ATP10B: variants seen among roughly 807,000 people sequenced by gnomAD.
The protein encoded by ATP10B is phospholipid-transporting ATPase VB.
ATP10B carries 122 observed loss-of-function variants against 141.2 expected under a neutral mutation model. That is an observed-to-expected ratio of 0.86 (90% CI 0.75 to 1.00). The LOEUF is 1.00. Ranked by LOEUF, ATP10B falls within the 50% of genes least tolerant of loss-of-function variation. The pLI is 0.00. For missense variants in ATP10B, 1,876 were observed against 1,825.3 expected (o/e 1.03, Z -0.51); for synonymous variants, 685 against 692.0 (o/e 0.99, Z 0.16).
intron 1 of ATP10B, among the ~76,000 whole-genome samples, chr5:160,809,284 G>C (rs975132633): frequency 2.6e-5 from 4 of 152,122 alleles, no homozygotes; most frequent in Non-Finnish European, 5.9e-5. Context: ...GCCAAAATGG[G>C]CATGGGAGTA....
intron 2 of ATP10B, among the ~76,000 whole-genome samples, chr5:160,771,570 G>A (rs1016050704): frequency 7.9e-5 from 12 of 152,128 alleles, no homozygotes; most frequent in African/African-American, 1.7e-4. Flanking sequence ...ATATTTTGAT[G>A]TACATAGGTA....
At chr5:160,632,437 T>C in intron 12 of ATP10B, 70 bp from the exon 13 acceptor site, 1 of 1,443,842 alleles carries the variant, frequency 6.9e-7, no homozygotes, top group Non-Finnish European at 9.7e-7. Flanking sequence ...AAACCTAGAC[T>C]TTGTGTGGGG....
intron 2 of ATP10B, among the ~76,000 whole-genome samples, chr5:160,769,040 C>T (rs1377396447): frequency 4.6e-5 from 7 of 152,190 alleles, no homozygotes; most frequent in Admixed American, 4.6e-4. Context: ...TGACCATCTC[C>T]TGTTACATCT....
At chr5:160,583,436 T>A (rs1292536954) in intron 24 of ATP10B, among the ~76,000 whole-genome samples, 2 of 152,224 alleles carry the variant, frequency 1.3e-5, no homozygotes, top group African/African-American at 4.8e-5. Context: ...TGTTCCTTCT[T>A]CTGGAAGCTT....
At chr5:160,679,678 G>A (rs954759477) in intron 6 of ATP10B, among the ~76,000 whole-genome samples, 1 of 152,202 alleles carries the variant, frequency 6.6e-6, no homozygotes, top group African/African-American at 2.4e-5. Context: ...GGGCACATAA[G>A]GTTTGCCATG....
chr5:160,679,846 G>A (rs1763266082), intron 6 of ATP10B, among the ~76,000 whole-genome samples: 1 of 152,160 alleles, frequency 6.6e-6, no homozygotes, highest in African/African-American at 2.4e-5. Flanking sequence ...CATGTTTTCT[G>A]AATACAAATA....
chr5:160,856,791 C>T (rs975650707), upstream of ATP10B, among the ~76,000 whole-genome samples: 2 of 151,600 alleles, frequency 1.3e-5, no homozygotes, highest in African/African-American at 4.8e-5. Context: ...TGCATTAATT[C>T]CATTTGAATT....
At chr5:160,598,272 T>C (rs183349091) in intron 22 of ATP10B, among the ~76,000 whole-genome samples, 171 of 151,954 alleles carry the variant, frequency 1.1e-3, no homozygotes, top group African/African-American at 4.0e-3. Flanking sequence ...TCATTCTCAG[T>C]AAACTATTGC....
chr5:160,737,232 T>G (rs1767181216), intron 2 of ATP10B, among the ~76,000 whole-genome samples: 1 of 152,094 alleles, frequency 6.6e-6, no homozygotes, highest in Non-Finnish European at 1.5e-5. Context: ...CCCTAAAAAT[T>G]GTGTATAGAG....
intron 2 of ATP10B, among the ~76,000 whole-genome samples, chr5:160,771,740 TC>T (rs1258606424): frequency 6.6e-6 from 1 of 152,248 alleles, no homozygotes; most frequent in African/African-American, 2.4e-5. Flanking sequence ...ACCTTAGCTC[TC>T]TGTCCCATCT....
chr5:160,620,137 G>A (rs1283602590), intron 15 of ATP10B, among the ~76,000 whole-genome samples: 1 of 152,210 alleles, frequency 6.6e-6, no homozygotes, highest in Non-Finnish European at 1.5e-5. Context: ...CTTTAAATAT[G>A]CTAATGGACA....
chr5:160,897,395 A>G, the ATP10B span, among the ~76,000 whole-genome samples: 4 of 152,340 alleles, frequency 2.6e-5, no homozygotes, highest in Non-Finnish European at 4.4e-5. Context: ...CTATACACCA[A>G]TAACAGACAA....
chr5:160,602,749 T>A, intron 20 of ATP10B, 47 bp from the exon 21 acceptor site: 1 of 1,611,306 alleles, frequency 6.2e-7, no homozygotes, highest in East Asian at 2.2e-5. Context: ...TGGCTGCCAG[T>A]GCCCCAGAGG....
intron 2 of ATP10B, among the ~76,000 whole-genome samples, chr5:160,767,639 C>G (rs951226411): frequency 8.7e-6 from 1 of 114,898 alleles, no homozygotes; most frequent in African/African-American, 2.9e-5. Context: ...TGCAGAACCC[C>G]CCCCCCCAAA....
chr5:160,722,028 C>T (rs1766032746), intron 2 of ATP10B, among the ~76,000 whole-genome samples: 4 of 152,162 alleles, frequency 2.6e-5, no homozygotes, highest in African/African-American at 7.2e-5. Flanking sequence ...ACCTCTTGGG[C>T]TGTGAGGATT....
intron 13 of ATP10B, among the ~76,000 whole-genome samples, chr5:160,631,794 C>T (rs978499699): frequency 6.6e-6 from 1 of 152,078 alleles, no homozygotes; most frequent in Non-Finnish European, 1.5e-5. Context: ...GATGGCATGC[C>T]CAGTCTAAGA....
At chr5:160,577,289 G>T (rs545633087) in intron 24 of ATP10B, among the ~76,000 whole-genome samples, 5 of 152,044 alleles carry the variant, frequency 3.3e-5, no homozygotes, top group African/African-American at 1.2e-4. Flanking sequence ...TAAACTCATT[G>T]CCCAAAACAG....
chr5:160,865,265 A>G, the ATP10B span, among the ~76,000 whole-genome samples: 12 of 152,070 alleles, frequency 7.9e-5, no homozygotes, highest in African/African-American at 2.9e-4. Context: ...CCAGAAATAA[A>G]CCCAAATACT....
intron 1 of ATP10B, among the ~76,000 whole-genome samples, chr5:160,798,579 T>C (rs1772125208): frequency 6.6e-6 from 1 of 152,078 alleles, no homozygotes. Flanking sequence ...TCCTCTCTCC[T>C]AGACCCTTCG....
Sources: allele counts gnomAD v4.1 joint callset (sites outside exome capture counted in the v4.1 genomes callset), GRCh38; gene constraint gnomAD v4.1.1; transcripts MANE v1.5; gene names NCBI Gene and HGNC (gene_info 2026-07-23, HGNC 2026-07-21).